The following RNF34 variants were observed in gnomAD, a reference collection of about 807,000 sequenced individuals.
RNF34 encodes the protein E3 ubiquitin-protein ligase RNF34.
Under a neutral mutation model 37.9 loss-of-function variants are expected in RNF34, and 12 were observed. The ratio of observed to expected loss-of-function variants is 0.32; its 90% CI spans 0.20 to 0.51. The LOEUF (loss-of-function observed/expected upper bound fraction) is 0.51. Among genes scored for constraint, RNF34 ranks in the 20% least tolerant of loss-of-function variants. The pLI is 0.97. For synonymous variants in RNF34, 155 were observed against 177.2 expected (o/e 0.87, Z 1.00); for missense variants, 362 against 472.7 (o/e 0.77, Z 2.17).
At chr12:121,410,569 G>GAA (rs797040296) in intron 1 of RNF34, among the ~76,000 whole-genome samples, 8 of 147,286 alleles carry the variant, frequency 5.4e-5, no homozygotes, top group African/African-American at 1.7e-4. Context: ...TGCTGGATGG[G>GAA]AAAAAAAAAA....
chr12:121,402,302 GAAAAA>G (rs1190356156), intron 1 of RNF34, among the ~76,000 whole-genome samples: 4 of 150,486 alleles, frequency 2.7e-5, no homozygotes, highest in African/African-American at 9.8e-5. Flanking sequence ...AGAAAAAAAG[GAAAAA>G]AAAAGTTAAG....
intron 1 of RNF34, 47 bp downstream of exon 1, chr12:121,400,265 C>T (rs782751804): frequency 1.3e-6 from 2 of 1,598,834 alleles, no homozygotes; most frequent in Non-Finnish European, 1.7e-6. Context: ...CAATCCTATC[C>T]TGCCAGGGCA....
chr12:121,421,694 A>G (rs999932863), intron 5 of RNF34, among the ~76,000 whole-genome samples: 40 of 152,200 alleles, frequency 2.6e-4, no homozygotes, highest in African/African-American at 8.9e-4. Flanking sequence ...TAATTGTAAA[A>G]AAAATATATA....
At position 121,400,155 on chromosome 12, in the gene RNF34, G is replaced by A; in HGVS notation, c.-58G>A. 2 of 1,592,956 alleles carry A rather than the reference G, an allele frequency of 1.3e-6. No individual in the cohort carries two copies. The highest frequency in any genetic ancestry group is 8.5e-7 in the Non-Finnish European group (1 of 1,172,804). ...GAGGGAAGGAGGTCGGCAGTGTGAG[G>A]AGCTGCTATGGTGCTGAGTTTCCTG... On this transcript the variant is annotated 5_prime_UTR_variant, in exon 1 of 6. Transcript: ENST00000361234.
intron 3 of RNF34, chr12:121,418,864 C>T (rs1871828034): frequency 6.6e-6 from 1 of 152,088 alleles, no homozygotes; most frequent in African/African-American, 2.4e-5. Context: ...TAGGATTACA[C>T]CCCAGTTAAT....
chr12:121,422,098 A>G (rs1555283487), intron 5 of RNF34, among the ~76,000 whole-genome samples: 3 of 152,202 alleles, frequency 2.0e-5, no homozygotes, highest in African/African-American at 7.2e-5. Context: ...GTAAATAGCA[A>G]CTATGTACAG....
At position 121,415,412 on chromosome 12, in the gene RNF34, C is replaced by T. The variant is rs149671327; in HGVS notation, c.7-747C>T. On this transcript the variant is annotated intron_variant, in intron 1 of 5. Coordinates refer to ENST00000361234, the MANE Select transcript of RNF34 (RefSeq NM_025126.4). ...AAGGTAGGCAGATCACTTGAGGCCACGCATCTGAGACCAGCCTGGACAACA... is the reference window on the plus strand; with the variant it reads ...AAGGTAGGCAGATCACTTGAGGCCATGCATCTGAGACCAGCCTGGACAACA... 3.8e-3 allele frequency: 902 copies of T among 239,554 alleles called. 6 individuals are homozygous for T. Among genetic ancestry groups the T allele is most frequent in the African/African-American group, 0.018 (825 of 44,870 alleles). The allele number at this position is 239,554 out of a possible 1,614,324, so 14.8% of individuals were successfully genotyped here. A position where few individuals can be genotyped will look rare whatever the true frequency, so the allele number is the denominator to read the frequency against.
chr12:121,404,615 T>G lies in RNF34; in HGVS notation c.6+4397T>G, dbSNP rs538292340. On this transcript the variant is annotated intron_variant, in intron 1 of 5. Transcript: ENST00000361234. The stretch of plus-strand genomic sequence containing the variant: ...CATCTTGGCTAGGCTGGTCTTGAAC[T>G]CCTGACCTCAAGTGATTCTGGCCTC... Among the ~76,000 whole-genome samples, 123 of 152,148 alleles carry G rather than the reference T, an allele frequency of 8.1e-4. 1 individual carries two copies. The highest frequency in any genetic ancestry group is 2.8e-3 in the African/African-American group (115 of 41,518).
At chr12:121,409,024 T>A (rs1055206642) in intron 1 of RNF34, among the ~76,000 whole-genome samples, 41 of 151,562 alleles carry the variant, frequency 2.7e-4, no homozygotes, top group African/African-American at 8.7e-4. Flanking sequence ...CAGGCTGGAG[T>A]GCAGTGGTAC....
Position 121,423,558 on chromosome 12 carries a change from G to C in RNF34, c.1101G>C (p.Val367=). ...PICRQYVVRA[V]HVFKS Reference sequence around the variant, plus strand: ...GCCGGCAGTATGTGGTGCGAGCCGTGCACGTGTTCAAGTCCTGAAACAGGC... The same window carrying C: ...GCCGGCAGTATGTGGTGCGAGCCGTCCACGTGTTCAAGTCCTGAAACAGGC... Residue 367 remains valine (V), a synonymous_variant, in exon 6 of 6, where the codon GTG becomes GTC. Coordinates refer to ENST00000361234, the MANE Select transcript of RNF34 (RefSeq NM_025126.4). This position sits in a 1 kb window ranked among gnomAD's most constrained non-coding sequence, Gnocchi z 4.3. 1 of 1,613,590 alleles carries C rather than the reference G, an allele frequency of 6.2e-7. No homozygotes were observed. The highest frequency in any genetic ancestry group is 8.5e-7 in the Non-Finnish European group (1 of 1,179,642).
intron 1 of RNF34, among the ~76,000 whole-genome samples, chr12:121,402,146 A>G (rs747093876): frequency 6.6e-6 from 1 of 152,182 alleles, no homozygotes; most frequent in Non-Finnish European, 1.5e-5. Context: ...AAAGCTAAGC[A>G]AGTATACCTG....
chr12:121,412,750 A>C (rs1484069762), intron 1 of RNF34, among the ~76,000 whole-genome samples: 1 of 120,270 alleles, frequency 8.3e-6, no homozygotes, highest in Non-Finnish European at 1.7e-5. Flanking sequence ...TTTGAGATGG[A>C]GTCTCGCTGT....
intron 1 of RNF34, among the ~76,000 whole-genome samples, chr12:121,412,724 CTT>C (rs1409875276): frequency 1.3e-4 from 16 of 121,850 alleles, no homozygotes; most frequent in Non-Finnish European, 1.2e-4. Flanking sequence ...GATGTTCATG[CTT>C]TTTTTTTTTT....
chr12:121,420,277 T>C lies in RNF34; in HGVS notation c.669T>C (p.Asp223=). The change falls in exon 4 of 6, where the codon GAT becomes GAC. Residue 223 remains aspartate, a synonymous_variant. Transcript: ENST00000361234. ...QSEITSANTE[D]DDDDDDEDDD... ...AAATCACTTCAGCAAACACAGAAGA[T>C]GATGATGACGACGATGATGAGGATG... The C allele has an allele frequency of 6.3e-7, 1 of 1,582,396 alleles. No homozygotes were observed. The highest frequency in any genetic ancestry group is 8.5e-7 in the Non-Finnish European group (1 of 1,171,786).
Position 121,404,574 on chromosome 12 carries a change from A to T in RNF34, c.6+4356A>T, listed in dbSNP as rs916496313. Among the ~76,000 whole-genome samples the T allele has an allele frequency of 2.0e-5, 3 of 151,604 alleles. No individual in the cohort carries two copies. In the East Asian group the frequency reaches 5.8e-4, roughly 29 times the overall value. Reference sequence around the variant, plus strand: ...GCTAATTTTTTTTGGTATTTTTAGTAGAGACCGGGTTTCACCATCTTGGCT... The same window carrying T: ...GCTAATTTTTTTTGGTATTTTTAGTTGAGACCGGGTTTCACCATCTTGGCT... On this transcript the variant is annotated intron_variant, in intron 1 of 5. Coordinates refer to ENST00000361234, the MANE Select transcript of RNF34 (RefSeq NM_025126.4).
Position 121,417,436 on chromosome 12 carries a change from CAGAA to C in RNF34, c.226-62_226-59del, listed in dbSNP as rs1198042211. ...ACTAAAATTAAATTTTAGTAGAAGG[CAGAA>C]AGAAAACTCATGCTTTCATAATGGT... On this transcript the variant is annotated intron_variant, in intron 2 of 5. Coordinates refer to ENST00000361234, the MANE Select transcript of RNF34 (RefSeq NM_025126.4). This position sits in a 1 kb window ranked among gnomAD's most constrained non-coding sequence, Gnocchi z 5.0. 3 of 1,375,970 alleles carry C rather than the reference CAGAA, an allele frequency of 2.2e-6. No individual in the cohort carries two copies. Among genetic ancestry groups the C allele is most frequent in the African/African-American group, 2.9e-5 (2 of 68,812 alleles). The allele number at this position is 1,375,970 out of a possible 1,614,324, so 85.2% of individuals were successfully genotyped here. A position where few individuals can be genotyped will look rare whatever the true frequency, so the allele number is the denominator to read the frequency against.
chr12:121,406,252 T>G (rs1255695323), intron 1 of RNF34, among the ~76,000 whole-genome samples: 2 of 142,514 alleles, frequency 1.4e-5, no homozygotes, highest in Admixed American at 6.9e-5. Context: ...AGGCAGGTTT[T>G]AGAATTTGAT....
At chr12:121,405,093 A>G (rs1593648817) in intron 1 of RNF34, 1 of 152,042 alleles carries the variant, frequency 6.6e-6, no homozygotes, top group Non-Finnish European at 1.5e-5. Context: ...TGTCATTCCT[A>G]CTCTTACGCA....
Position 121,423,307 on chromosome 12 carries a change from G to C in RNF34, c.929-79G>C, listed in dbSNP as rs1386776309. On this transcript the variant is annotated intron_variant, in intron 5 of 5. Transcript: ENST00000361234. This position sits in a 1 kb window ranked among gnomAD's most constrained non-coding sequence, Gnocchi z 4.3. Reference sequence around the variant, plus strand: ...TGCAGGGGTCATTCAGCAGGTGGCTGCTCAGCTTCGGACTGGGAGGGTGGC... The same window carrying C: ...TGCAGGGGTCATTCAGCAGGTGGCTCCTCAGCTTCGGACTGGGAGGGTGGC... The C allele has an allele frequency of 8.6e-6, 10 of 1,169,080 alleles. No homozygotes were observed. The African/African-American group carries it at 1.5e-4, about 18-fold the overall frequency. 72.4% of individuals were successfully genotyped at this position (1,169,080 alleles called of 1,614,324 possible). A position where few individuals can be genotyped will look rare whatever the true frequency, so the allele number is the denominator to read the frequency against.
Sources: gnomAD v4.1 joint callset for allele counts (sites outside exome capture counted in the v4.1 genomes callset) on GRCh38, gnomAD v4.1.1 for gene constraint, Gnocchi (gnomAD v3.1) non-coding constraint, MANE v1.5 for transcripts, NCBI Gene and HGNC (gene_info 2026-07-23, HGNC 2026-07-21) for gene names.